Variants in EXD3 observed in about 807,000 individuals in gnomAD.
EXD3 encodes the protein exonuclease mut-7 homolog.
In EXD3, 92 loss-of-function variants were observed where a neutral mutation model predicts 98.0. That is an observed-to-expected ratio of 0.94 (90% CI 0.79 to 1.12). EXD3 has a LOEUF of 1.12. EXD3 is among the 50% of genes most tolerant of loss of function. EXD3 has a pLI of 0.00. For synonymous variants in EXD3, 569 were observed against 526.0 expected, an observed-to-expected ratio of 1.08 and a Z score of -1.12; for missense variants, 1,222 against 1,191.6, an observed-to-expected ratio of 1.03 and a Z score of -0.38.
intron 17 of EXD3, among the ~76,000 whole-genome samples, chr9:137,340,912 T>C (rs1205361790): frequency 1.3e-5 from 2 of 152,234 alleles, no homozygotes; most frequent in East Asian, 1.9e-4. Context: ...TCTAAACCTA[T>C]ATAGAAAGGA....
At chr9:137,356,642 C>A (rs777415518) in intron 7 of EXD3, among the ~76,000 whole-genome samples, 14 of 152,210 alleles carry the variant, frequency 9.2e-5, no homozygotes, top group East Asian at 1.9e-4. Flanking sequence ...GACTTCTCCC[C>A]ACGGAAGGTG....
At chr9:137,374,961 T>A in intron 3 of EXD3, 1 of 609,252 alleles carries the variant, frequency 1.6e-6, no homozygotes, top group Non-Finnish European at 2.1e-6. Context: ...GTTATAGCTC[T>A]AGTGAGTTCC....
At chr9:137,364,254 A>G (rs1835114877) in intron 7 of EXD3, among the ~76,000 whole-genome samples, 1 of 152,156 alleles carries the variant, frequency 6.6e-6, no homozygotes, top group African/African-American at 2.4e-5. Context: ...GCTGGCAGCC[A>G]GTCATGCTCA....
intron 17 of EXD3, among the ~76,000 whole-genome samples, chr9:137,329,570 CA>C: frequency 2.4e-5 from 1 of 42,106 alleles, no homozygotes; most frequent in African/African-American, 1.3e-4. Context: ...CACGGGACTA[CA>C]CGGGGCTACA....
At chr9:137,406,532 C>A (rs1837722304) in intron 1 of EXD3, among the ~76,000 whole-genome samples, 1 of 152,202 alleles carries the variant, frequency 6.6e-6, no homozygotes, top group Non-Finnish European at 1.5e-5. Context: ...GGCCAACACT[C>A]CTGCCCCTGG....
At chr9:137,348,869 G>A (rs2119212500) in intron 16 of EXD3, among the ~76,000 whole-genome samples, 1 of 152,058 alleles carries the variant, frequency 6.6e-6, no homozygotes, top group Admixed American at 6.5e-5. Flanking sequence ...AGTATCAGGA[G>A]GGGACTGGGG....
chr9:137,400,717 A>T (rs1837441273), intron 1 of EXD3, among the ~76,000 whole-genome samples: 1 of 151,896 alleles, frequency 6.6e-6, no homozygotes, highest in South Asian at 2.1e-4. Context: ...ATGAGCCGAG[A>T]TCGCGCCATT....
At chr9:137,384,832 C>G (rs1836501924) in intron 2 of EXD3, among the ~76,000 whole-genome samples, 1 of 152,226 alleles carries the variant, frequency 6.6e-6, no homozygotes, top group South Asian at 2.1e-4. Flanking sequence ...ACCCAGCCGG[C>G]TGTCATCTCA....
chr9:137,370,653 G>A (rs1588368908), intron 5 of EXD3, among the ~76,000 whole-genome samples: 1 of 151,106 alleles, frequency 6.6e-6, no homozygotes, highest in African/African-American at 2.4e-5. Flanking sequence ...ATCGACCATC[G>A]GGAAGGGCAT....
In EXD3 at chr9:137,374,423, C is replaced by T. The variant is rs370045179; in HGVS notation, c.121-824G>A. The T allele has an allele frequency of 2.1e-5, 8 of 378,550 alleles. No individual in the cohort carries two copies. In the South Asian group the frequency reaches 4.3e-4, roughly 21 times the overall value. 23.4% of individuals were successfully genotyped at this position (378,550 alleles called of 1,614,324 possible). ...GAGGCTGCAAGCCGAGAGCGTGGGC[C>T]GCGCTGTTCTCGTCCCTGCGATGTG... On this transcript the variant is annotated intron_variant, in intron 3 of 21. Coordinates refer to ENST00000340951, the MANE Select transcript of EXD3 (RefSeq NM_017820.5).
At position 137,393,858 on chromosome 9, in the gene EXD3, C is replaced by A. The variant is rs1206857795; in HGVS notation, c.55+1445G>T. 6.6e-6 allele frequency among the ~76,000 whole-genome samples: 1 copy of A among 152,172 alleles called. No homozygotes were observed. Among genetic ancestry groups the A allele is most frequent in the South Asian group, 2.1e-4 (1 of 4,838 alleles). On this transcript the variant is annotated intron_variant, in intron 2 of 21. Coordinates refer to ENST00000340951, the MANE Select transcript of EXD3 (RefSeq NM_017820.5). This position sits in a 1 kb window ranked among gnomAD's most constrained non-coding sequence, Gnocchi z 4.6. ...AAACCCACAACAAACTGAGGGCCTG[C>A]AGCCCAGGGCGAGGCGGCTGGGCCA...
intron 10 of EXD3, 90 bp from the exon 11 acceptor site, chr9:137,352,876 G>T: frequency 6.7e-7 from 1 of 1,483,460 alleles, no homozygotes. Context: ...CCCCGACCTT[G>T]CAGACTGGCT....
In EXD3 at chr9:137,395,461, G is replaced by C; in HGVS notation, c.-47-57C>G. Reference sequence around the variant, plus strand: ...GCCCACTGCAACAGGCAGCCATGCAGAGCCCACGCCCACAGCCCCTGGAGG... The same window carrying C: ...GCCCACTGCAACAGGCAGCCATGCACAGCCCACGCCCACAGCCCCTGGAGG... On this transcript the variant is annotated intron_variant, in intron 1 of 21. Transcript: ENST00000340951. This position sits in a 1 kb window ranked among gnomAD's most constrained non-coding sequence, Gnocchi z 6.5. The C allele has an allele frequency of 2.0e-6, 3 of 1,537,472 alleles. No individual in the cohort carries two copies. The South Asian group carries it at 3.5e-5, about 18-fold the overall frequency.
intron 1 of EXD3, among the ~76,000 whole-genome samples, chr9:137,422,860 G>GCGGGGTCGC (rs1358838041): frequency 1.1e-4 from 16 of 152,142 alleles, no homozygotes; most frequent in African/African-American, 3.9e-4. Context: ...GGACAGGGCG[G>GCGGGGTCGC]CGGGGTCGCC....
chr9:137,341,904 C>G (rs1833672688), intron 17 of EXD3, among the ~76,000 whole-genome samples: 1 of 25,468 alleles, frequency 3.9e-5, no homozygotes, highest in Admixed American at 3.9e-4. Flanking sequence ...CCAGGGGAGT[C>G]AGAGGAAACA....
chr9:137,408,419 C>T (rs887914954), intron 1 of EXD3, among the ~76,000 whole-genome samples: 1 of 151,698 alleles, frequency 6.6e-6, no homozygotes, highest in Non-Finnish European at 1.5e-5. Flanking sequence ...TGGTGGCGGG[C>T]GCCTGTAGTC....
At chr9:137,316,908 C>A (rs983529892) in intron 19 of EXD3, among the ~76,000 whole-genome samples, 2 of 152,162 alleles carry the variant, frequency 1.3e-5, no homozygotes, top group African/African-American at 4.8e-5. Flanking sequence ...TCCAGGGGAG[C>A]TCTATGTGGG....
chr9:137,347,505 G>A lies in EXD3; in HGVS notation c.1998+566C>T, dbSNP rs1259666003. Among the ~76,000 whole-genome samples, 1 of 151,726 alleles carries A rather than the reference G, an allele frequency of 6.6e-6. No individual in the cohort carries two copies. The highest frequency in any genetic ancestry group is 6.6e-5 in the Admixed American group (1 of 15,220). On this transcript the variant is annotated intron_variant, in intron 17 of 21. Coordinates refer to ENST00000340951, the MANE Select transcript of EXD3 (RefSeq NM_017820.5). The surrounding 1 kb of genome is among the most constrained non-coding windows in gnomAD (Gnocchi z 4.2). ...GTCAGCCAGGCTGGAGTGCAGTGGC[G>A]TGATCTCAGCTCACTGTAACCTCTG...
At chr9:137,409,583 T>C (rs978298729) in intron 1 of EXD3, among the ~76,000 whole-genome samples, 10 of 152,002 alleles carry the variant, frequency 6.6e-5, no homozygotes, top group African/African-American at 1.7e-4. Flanking sequence ...CCAGGCATGG[T>C]GGCATGCGGC....
Sources: allele counts gnomAD v4.1 joint callset (sites outside exome capture counted in the v4.1 genomes callset), GRCh38; gene constraint gnomAD v4.1.1; non-coding constraint Gnocchi (gnomAD v3.1); transcripts MANE v1.5; gene names NCBI Gene and HGNC (gene_info 2026-07-23, HGNC 2026-07-21).